Variants in LAMP3 observed in about 807,000 individuals in gnomAD.
LAMP3 encodes lysosome associated membrane protein 3.
Under a neutral mutation model 34.8 loss-of-function variants are expected in LAMP3, and 26 were observed. The ratio of observed to expected loss-of-function variants is 0.75; its 90% CI spans 0.55 to 1.04. LAMP3 has a LOEUF of 1.04. Ranked by LOEUF, LAMP3 falls within the 50% of genes least tolerant of loss-of-function variation. LAMP3 has a pLI of 0.00. For synonymous variants in LAMP3, 180 were observed against 201.9 expected, an observed-to-expected ratio of 0.89 and a Z score of 0.92; for missense variants, 495 against 524.0, an observed-to-expected ratio of 0.94 and a Z score of 0.54.
chr3:183,137,050 G>C (rs1037736801), intron 4 of LAMP3, among the ~76,000 whole-genome samples: 2 of 151,786 alleles, frequency 1.3e-5, no homozygotes, highest in African/African-American at 4.8e-5. Flanking sequence ...GTGGTTGGTG[G>C]TTCATGCCTG....
At chr3:183,131,857 A>G (rs1260023806) in intron 5 of LAMP3, 1 of 883,128 alleles carries the variant, frequency 1.1e-6, no homozygotes, top group Middle Eastern at 5.7e-4. Context: ...ATAGGAAACC[A>G]TGAATAACAT....
intron 5 of LAMP3, among the ~76,000 whole-genome samples, chr3:183,131,396 C>T (rs746824876): frequency 4.3e-4 from 66 of 152,280 alleles, no homozygotes; most frequent in Non-Finnish European, 7.9e-4. Flanking sequence ...CACAGGGGAG[C>T]CTGGAGCAGG....
At chr3:183,152,305 C>G (rs1221875521) in intron 3 of LAMP3, 70 bp downstream of exon 3, 14 of 1,491,170 alleles carry the variant, frequency 9.4e-6, no homozygotes, top group Non-Finnish European at 1.3e-5. Flanking sequence ...GGTTGCACCA[C>G]CTGGCCCCAG....
At chr3:183,135,592 A>G in intron 5 of LAMP3, 125 bp downstream of exon 5, 1 of 922,390 alleles carries the variant, frequency 1.1e-6, no homozygotes, top group South Asian at 1.6e-5. Context: ...AGCTATGTGG[A>G]ATCACACCAT....
chr3:183,149,147 C>T (rs111869263), intron 3 of LAMP3, among the ~76,000 whole-genome samples: 12,588 of 151,814 alleles, frequency 0.083, 557 homozygotes, highest in East Asian at 0.16. Context: ...ATTAAAATAA[C>T]TGAACTCATG....
At chr3:183,141,340 A>G (rs1720277839) in intron 3 of LAMP3, among the ~76,000 whole-genome samples, 1 of 152,226 alleles carries the variant, frequency 6.6e-6, no homozygotes, top group African/African-American at 2.4e-5. Flanking sequence ...TTCCAGAAAA[A>G]CAAAAACAAA....
Position 183,157,027 on chromosome 3 carries a change from A to C in LAMP3, c.50-2636T>G, listed in dbSNP as rs527332387. On this transcript the variant is annotated intron_variant, in intron 1 of 5. Transcript: ENST00000265598. ...AATGATGATCCTTGGTGAGGGTTTC[A>C]AAAGTTCATGTGCTGAAAAGGGGAT... Among the ~76,000 whole-genome samples, 26 of 152,314 alleles carry C rather than the reference A, an allele frequency of 1.7e-4. 1 individual carries two copies. In the South Asian group the frequency reaches 5.2e-3, roughly 30 times the overall value.
At chr3:183,157,752 A>AG (rs979750080) in intron 1 of LAMP3, among the ~76,000 whole-genome samples, 6 of 152,040 alleles carry the variant, frequency 3.9e-5, no homozygotes, top group African/African-American at 1.5e-4. Flanking sequence ...CTTAAAAAAA[A>AG]CAAAAAAAGC....
At chr3:183,136,929 G>A (rs1195715691) in intron 4 of LAMP3, among the ~76,000 whole-genome samples, 2 of 151,684 alleles carry the variant, frequency 1.3e-5, no homozygotes, top group Non-Finnish European at 2.9e-5. Context: ...GATCATTTGA[G>A]CCCAGGAGTT....
chr3:183,150,650 C>A lies in LAMP3; in HGVS notation c.888+1725G>T, dbSNP rs1247720607. Among the ~76,000 whole-genome samples the A allele has an allele frequency of 4.4e-5, 6 of 137,890 alleles. No homozygotes were observed. The East Asian group carries it at 8.9e-4, about 21-fold the overall frequency. 90.5% of individuals were successfully genotyped at this position (137,890 alleles called of 152,430 possible). A position where few individuals can be genotyped will look rare whatever the true frequency, so the allele number is the denominator to read the frequency against. ...GCAGCCTCAACCTCCTGGACTCAAG[C>A]AATTCAAGCAATCTTCCCACCTTAG... On this transcript the variant is annotated intron_variant, in intron 3 of 5. Transcript: ENST00000265598.
chr3:183,162,439 C>T (rs950073196), intron 1 of LAMP3, among the ~76,000 whole-genome samples, 168 bp downstream of exon 1: 3 of 152,170 alleles, frequency 2.0e-5, no homozygotes, highest in Non-Finnish European at 4.4e-5. Context: ...GGGGTTGACA[C>T]CTGCTCTGAG....
At chr3:183,158,554 A>T (rs1720886289) in intron 1 of LAMP3, among the ~76,000 whole-genome samples, 1 of 135,840 alleles carries the variant, frequency 7.4e-6, no homozygotes, top group South Asian at 2.2e-4. Context: ...GCCTTGATCC[A>T]TTGCTTGGAC....
chr3:183,152,632 C>T lies in LAMP3; in HGVS notation c.760-129G>A. ...GATTCGCTGGAGAACTGCAAAGTCCCCAGACAACACCTCTCGTTTTCAAAC... is the reference window on the plus strand; with the variant it reads ...GATTCGCTGGAGAACTGCAAAGTCCTCAGACAACACCTCTCGTTTTCAAAC... On this transcript the variant is annotated intron_variant, in intron 2 of 5. Transcript: ENST00000265598. 4.1e-6 allele frequency: 3 copies of T among 723,490 alleles called. No individual in the cohort carries two copies. In the South Asian group the frequency reaches 6.9e-5, roughly 17 times the overall value. 44.8% of individuals were successfully genotyped at this position (723,490 alleles called of 1,614,324 possible).
chr3:183,129,277 AC>A (rs1158824156), intron 5 of LAMP3, among the ~76,000 whole-genome samples: 1 of 152,140 alleles, frequency 6.6e-6, no homozygotes, highest in African/African-American at 2.4e-5. Flanking sequence ...CCAGTGTAAA[AC>A]TTTTGGTATC....
At chr3:183,132,376 C>T (rs1433123331) in intron 5 of LAMP3, 1 of 968,056 alleles carries the variant, frequency 1.0e-6, no homozygotes, top group Non-Finnish European at 1.2e-6. Flanking sequence ...TTGTAATCAA[C>T]TTTGAAATGC....
chr3:183,153,534 C>T, intron 2 of LAMP3, 148 bp downstream of exon 2: 1 of 537,692 alleles, frequency 1.9e-6, no homozygotes, highest in South Asian at 4.4e-5. Context: ...ACATAATCAC[C>T]TTTTAATGGA....
chr3:183,154,105 G>A lies in LAMP3; in HGVS notation c.336C>T (p.Asn112=). The A allele has an allele frequency of 6.2e-7, 1 of 1,614,208 alleles. No individual in the cohort carries two copies. Among genetic ancestry groups the A allele is most frequent in the Non-Finnish European group, 8.5e-7 (1 of 1,180,034 alleles). Residue 112 remains asparagine (N), a synonymous_variant, in exon 2 of 6, where the codon AAC becomes AAT. Coordinates refer to ENST00000265598, the MANE Select transcript of LAMP3 (RefSeq NM_014398.4). The part of the protein sequence containing the change: ...YTLVTTQATP[N]NSHTAPPVTE... ...TAACTGGAGGAGCTGTGTGTGAGTT[G>A]TTGGGTGTGGCCTGGGTTGTGACCA...
In LAMP3 at chr3:183,153,773, A is replaced by C. The variant is rs771350856; in HGVS notation, c.668T>G (p.Val223Gly). The C allele has an allele frequency of 2.4e-5, 37 of 1,570,726 alleles. No homozygotes were observed. The East Asian group carries it at 7.6e-4, about 32-fold the overall frequency. ...GPTLAPQPSS[V>G]KTGIYQVLNG... is the part of the protein sequence containing the mutation. ...TAGAACCTGATAAATTCCAGTCTTG[A>C]CTGACGATGGCTGAGGTGCAAGGGT... The change falls in exon 2 of 6, where the codon GTC becomes GGC. Residue 223 changes from valine to glycine, a missense_variant. Coordinates refer to ENST00000265598, the MANE Select transcript of LAMP3 (RefSeq NM_014398.4).
rs145794465 is a variant in LAMP3 at position 183,152,423 on chromosome 3, G to C, written c.840C>G (p.Asn280Lys). 1.2e-6 allele frequency: 2 copies of C among 1,612,856 alleles called. No homozygotes were observed. Among genetic ancestry groups the C allele is most frequent in the African/African-American group, 2.7e-5 (2 of 74,826 alleles). ...ATCCGCCCTGAAAATTCAACAGAAG[G>C]TTGGATTTTCGGGTGCCACAGTTCC... ...ASGNCGTRKS[N>K]LLLNFQGGFV... Residue 280 changes from asparagine to lysine, a missense_variant, in exon 3 of 6, where the codon AAC becomes AAG. Coordinates refer to ENST00000265598, the MANE Select transcript of LAMP3 (RefSeq NM_014398.4).
Sources: gnomAD v4.1 joint callset for allele counts (sites outside exome capture counted in the v4.1 genomes callset) on GRCh38, gnomAD v4.1.1 for gene constraint, MANE v1.5 for transcripts, NCBI Gene and HGNC (gene_info 2026-07-23, HGNC 2026-07-21) for gene names.